Variants in CAMSAP1 observed in about 807,000 individuals in gnomAD.
The protein encoded by CAMSAP1 is calmodulin-regulated spectrin-associated protein 1.
Under a neutral mutation model 143.5 loss-of-function variants are expected in CAMSAP1, and 58 were observed. That is an observed-to-expected ratio of 0.40 (90% CI 0.33 to 0.50). The LOEUF (loss-of-function observed/expected upper bound fraction) is 0.50, where lower values mean the gene tolerates loss of function less well. Ranked by LOEUF, CAMSAP1 falls within the 20% of genes least tolerant of loss-of-function variation. The pLI, the probability that CAMSAP1 is intolerant of heterozygous loss-of-function variation, is 0.45. For missense variants in CAMSAP1, 1,969 were observed against 2,115.7 expected (o/e 0.93, Z 1.36); for synonymous variants, 945 against 859.3 (o/e 1.10, Z -1.74).
rs1022499630 is a variant in CAMSAP1, at chr9:135,824,501, C to T, written c.1315+288G>A. ...CCGACATGATGAAACCCTGTCTCTA[C>T]TAAAAATACAAAAATTAACTGAGCA... On this transcript the variant is annotated intron_variant, in intron 9 of 16. Coordinates refer to ENST00000389532, the MANE Select transcript of CAMSAP1 (RefSeq NM_015447.4). The surrounding 1 kb of genome is among the most constrained non-coding windows in gnomAD (Gnocchi z 4.1). 2.0e-5 allele frequency among the ~76,000 whole-genome samples: 3 copies of T among 152,106 alleles called. No homozygotes were observed. The East Asian group carries it at 5.8e-4, about 29-fold the overall frequency.
rs1413379686 is a variant in CAMSAP1, at chr9:135,824,616, G to A, written c.1315+173C>T. 6.6e-6 allele frequency among the ~76,000 whole-genome samples: 1 copy of A among 152,160 alleles called. No homozygotes were observed. Among genetic ancestry groups the A allele is most frequent in the Non-Finnish European group, 1.5e-5 (1 of 68,042 alleles). On this transcript the variant is annotated intron_variant, in intron 9 of 16. Coordinates refer to ENST00000389532, the MANE Select transcript of CAMSAP1 (RefSeq NM_015447.4). This position sits in a 1 kb window ranked among gnomAD's most constrained non-coding sequence, Gnocchi z 4.1. The stretch of plus-strand genomic sequence containing the variant: ...GGAGTCAGAGGCTGCAGTGAGCCGA[G>A]ATCGCGCCACAGCACTTCAGCCTGG...
At chr9:135,837,252 ACC>A (rs1836097238) in intron 7 of CAMSAP1, among the ~76,000 whole-genome samples, 1 of 143,576 alleles carries the variant, frequency 7.0e-6, no homozygotes, top group African/African-American at 2.7e-5. Flanking sequence ...TGCACTTTCT[ACC>A]CCTTCTACAG....
At chr9:135,854,509 C>G (rs1478469026) in intron 5 of CAMSAP1, among the ~76,000 whole-genome samples, 5 of 151,658 alleles carry the variant, frequency 3.3e-5, no homozygotes, top group African/African-American at 1.2e-4. Flanking sequence ...ACTCTGTCAT[C>G]TGGAGTGCAG....
chr9:135,827,024 C>T (rs905271140), intron 8 of CAMSAP1, among the ~76,000 whole-genome samples: 2 of 152,196 alleles, frequency 1.3e-5, no homozygotes, highest in Non-Finnish European at 1.5e-5. Context: ...GAAGACTTCA[C>T]AATACTTGAA....
chr9:135,834,900 C>T (rs1489311219), intron 7 of CAMSAP1, among the ~76,000 whole-genome samples: 1 of 152,090 alleles, frequency 6.6e-6, no homozygotes, highest in Non-Finnish European at 1.5e-5. Context: ...TAGGACCTGC[C>T]CCCATCTTCC....
chr9:135,808,755 G>GT lies in CAMSAP1; in HGVS notation c.*2553dup, dbSNP rs1306460932. 6.6e-6 allele frequency: 1 copy of GT among 152,184 alleles called. No individual in the cohort carries two copies. The highest frequency in any genetic ancestry group is 6.5e-5 in the Admixed American group (1 of 15,286). The allele number at this position is 152,184 out of a possible 1,614,324, so 9.4% of individuals were successfully genotyped here. On this transcript the variant is annotated 3_prime_UTR_variant, in exon 17 of 17. Transcript: ENST00000389532. ...GTGCACGCACACGTGTGGGTAGAAC[G>GT]TATCTGCACATACATGCGTAAAATA...
chr9:135,811,332 T>C lies in CAMSAP1; in HGVS notation c.4786A>G (p.Lys1596Glu). The C allele has an allele frequency of 1.2e-6, 2 of 1,613,024 alleles. No homozygotes were observed. Among genetic ancestry groups the C allele is most frequent in the Non-Finnish European group, 8.5e-7 (1 of 1,179,480 alleles). The part of the protein sequence containing the change: ...LWQPKRPAVP[K>E]KAQTRK ...GGTCATTTACGAGTCTGGGCCTTCTTTGGCACTGCAGGCCGCTTGGGCTGC... is the reference window on the plus strand; with the variant it reads ...GGTCATTTACGAGTCTGGGCCTTCTCTGGCACTGCAGGCCGCTTGGGCTGC... The change falls in exon 17 of 17, where the codon AAG (lysine) becomes GAG (glutamate). Residue 1596 changes from lysine to glutamate, a missense_variant. By Grantham distance (56) the Lys-to-Glu change is moderately conservative. Transcript: ENST00000389532. This position sits in a 1 kb window ranked among gnomAD's most constrained non-coding sequence, Gnocchi z 4.9.
chr9:135,866,562 AGAG>A (rs746285818), intron 3 of CAMSAP1, 26 bp from the exon 4 acceptor site: 44 of 1,074,926 alleles, frequency 4.1e-5, no homozygotes, highest in Non-Finnish European at 5.9e-5. Context: ...AATGCATTAA[AGAG>A]GTAATTGCTG....
chr9:135,848,464 G>A (rs952212211), intron 7 of CAMSAP1, among the ~76,000 whole-genome samples: 3 of 152,056 alleles, frequency 2.0e-5, no homozygotes, highest in African/African-American at 7.3e-5. Flanking sequence ...TCTGCCAGGA[G>A]CACCCAACGT....
intron 3 of CAMSAP1, among the ~76,000 whole-genome samples, chr9:135,870,228 C>T (rs1837524736): frequency 6.6e-6 from 1 of 152,148 alleles, no homozygotes; most frequent in Admixed American, 6.5e-5. Context: ...GGAAGGTTTT[C>T]TCCATGCTGT....
intron 7 of CAMSAP1, among the ~76,000 whole-genome samples, chr9:135,839,591 A>G (rs1288766949): frequency 6.6e-6 from 1 of 152,182 alleles, no homozygotes; most frequent in African/African-American, 2.4e-5. Context: ...ACAGCCCCTG[A>G]TGTGCACAGG....
intron 7 of CAMSAP1, among the ~76,000 whole-genome samples, chr9:135,838,671 A>C (rs1362221835): frequency 2.1e-5 from 3 of 145,324 alleles, no homozygotes; most frequent in Non-Finnish European, 4.5e-5. Flanking sequence ...CGCACTTTCC[A>C]CCCGTTCTAC....
At chr9:135,832,330 A>G (rs1835884358) in intron 7 of CAMSAP1, among the ~76,000 whole-genome samples, 1 of 152,202 alleles carries the variant, frequency 6.6e-6, no homozygotes, top group Non-Finnish European at 1.5e-5. Context: ...CATCTCAACA[A>G]TATGCAGAAA....
At chr9:135,855,321 C>T (rs1051956204) in intron 5 of CAMSAP1, among the ~76,000 whole-genome samples, 2 of 152,156 alleles carry the variant, frequency 1.3e-5, no homozygotes, top group African/African-American at 2.4e-5. Flanking sequence ...TGAGAACACG[C>T]AGTATTTGGT....
intron 7 of CAMSAP1, among the ~76,000 whole-genome samples, chr9:135,840,106 G>A (rs977305942): frequency 2.0e-5 from 3 of 152,204 alleles, no homozygotes; most frequent in Admixed American, 2.0e-4. Context: ...CAGCCTGGAA[G>A]GGCCAGCAGT....
At chr9:135,869,400 G>A (rs552071661) in intron 3 of CAMSAP1, among the ~76,000 whole-genome samples, 1 of 152,078 alleles carries the variant, frequency 6.6e-6, no homozygotes, top group South Asian at 2.1e-4. Flanking sequence ...CTACTTGAGA[G>A]GCTGAGGCAG....
chr9:135,854,700 C>T lies in CAMSAP1; in HGVS notation c.809-4239G>A, dbSNP rs143032812. The stretch of plus-strand genomic sequence containing the variant: ...AACTCCTGGGCTCAAATGATCCCCC[C>T]GCCTCAGCCTCCCAAAGTGCTAGAA... On this transcript the variant is annotated intron_variant, in intron 5 of 16. Coordinates refer to ENST00000389532, the MANE Select transcript of CAMSAP1 (RefSeq NM_015447.4). Among the ~76,000 whole-genome samples, 191 of 152,196 alleles carry T rather than the reference C, an allele frequency of 1.3e-3. 3 individuals carry two copies. In the East Asian group the frequency reaches 0.031, roughly 25 times the overall value.
At chr9:135,856,092 A>T (rs1836959209) in intron 5 of CAMSAP1, among the ~76,000 whole-genome samples, 1 of 152,124 alleles carries the variant, frequency 6.6e-6, no homozygotes, top group Admixed American at 6.5e-5. Flanking sequence ...AAAAAGCCAA[A>T]CTATTTGTTT....
intron 1 of CAMSAP1, among the ~76,000 whole-genome samples, chr9:135,887,262 G>A (rs1362977688): frequency 5.9e-5 from 9 of 152,186 alleles, no homozygotes; most frequent in Non-Finnish European, 2.9e-5. Flanking sequence ...TGCTGCCAAG[G>A]CCAGAGGAGG....
Sources: gnomAD v4.1 joint callset for allele counts (sites outside exome capture counted in the v4.1 genomes callset) on GRCh38, gnomAD v4.1.1 for gene constraint, Gnocchi (gnomAD v3.1) non-coding constraint, MANE v1.5 for transcripts, NCBI Gene and HGNC (gene_info 2026-07-23, HGNC 2026-07-21) for gene names.